STON1: variants seen among roughly 807,000 people sequenced by gnomAD.
The protein encoded by STON1 is stonin 1.
STON1 carries 79 observed loss-of-function variants against 60.9 expected under a neutral mutation model. The observed-to-expected ratio is 1.30, with a 90% CI of 1.08 to 1.56. STON1 has a LOEUF of 1.56. Among genes scored for constraint, STON1 ranks in the 40% most tolerant of loss-of-function variants. The pLI, the probability that STON1 is intolerant of heterozygous loss-of-function variation, is 0.00. For synonymous variants in STON1, 363 were observed against 306.9 expected, an observed-to-expected ratio of 1.18 and a Z score of -1.91; for missense variants, 1,166 against 858.9, an observed-to-expected ratio of 1.36 and a Z score of -4.47.
At chr2:48,576,293 G>GGC (rs1229037736) in intron 1 of STON1, among the ~76,000 whole-genome samples, 3 of 134,696 alleles carry the variant, frequency 2.2e-5, no homozygotes, top group Non-Finnish European at 4.6e-5. Flanking sequence ...GGGTTCAAGT[G>GGC]ATTCTCATGC....
chr2:48,595,244 A>G lies in STON1; in HGVS notation c.2150A>G (p.Lys717Arg), dbSNP rs781627107. ...CYNIQVEIEK[K>R]WIKIDGEDPD... is the part of the protein sequence containing the mutation. ...GCATAACAGGTTGAAATAGAAAAGAAGTGGATTAAAATCGATGGAGAAGAC... is the reference window on the plus strand; with the variant it reads ...GCATAACAGGTTGAAATAGAAAAGAGGTGGATTAAAATCGATGGAGAAGAC... Residue 717 changes from lysine to arginine, a missense_variant, in exon 4 of 4, where the codon AAG becomes AGG. Physicochemically the swap from Lys to Arg is conservative, Grantham distance 26. Transcript: ENST00000404752. The G allele has an allele frequency of 6.2e-7, 1 of 1,613,908 alleles. No individual in the cohort carries two copies. Among genetic ancestry groups the G allele is most frequent in the Admixed American group, 1.7e-5 (1 of 60,024 alleles).
At position 48,585,461 on chromosome 2, in the gene STON1, C is replaced by T. The variant is rs141036654; in HGVS notation, c.1930+2898C>T. Among the ~76,000 whole-genome samples, 702 of 152,072 alleles carry T rather than the reference C, an allele frequency of 4.6e-3. 8 individuals carry two copies. The highest frequency in any genetic ancestry group is 0.016 in the African/African-American group (659 of 41,462). On this transcript the variant is annotated intron_variant, in intron 2 of 3. Coordinates refer to ENST00000404752, the MANE Select transcript of STON1 (RefSeq NM_006873.4). Reference sequence around the variant, plus strand: ...ATGGGGTTTCACCATGTTGGCCAGGCTGGTCTCGAACTCCCAACCTCAGGT... The same window carrying T: ...ATGGGGTTTCACCATGTTGGCCAGGTTGGTCTCGAACTCCCAACCTCAGGT...
intron 1 of STON1, among the ~76,000 whole-genome samples, chr2:48,544,692 C>T (rs1671792079): frequency 6.6e-6 from 1 of 152,046 alleles, no homozygotes; most frequent in South Asian, 2.1e-4. Flanking sequence ...ATTACAGGCA[C>T]CCACCACCAT....
rs1572633514 is a variant in STON1, at chr2:48,581,966, C to T, written c.1333C>T (p.Leu445Phe). 11 of 1,614,114 alleles carry T rather than the reference C, an allele frequency of 6.8e-6. No homozygotes were observed. The East Asian group carries it at 2.2e-4, about 33-fold the overall frequency. Residue 445 changes from leucine (L) to phenylalanine (F), a missense_variant, in exon 2 of 4, where the codon CTC (leucine) becomes TTC (phenylalanine). Coordinates refer to ENST00000404752, the MANE Select transcript of STON1 (RefSeq NM_006873.4). ...TGCTGTGATAACTCAAATTTATTGC[C>T]TCTGCTTTGTGAATGGGAACCTGGA... ...ESAVITQIYC[L>F]CFVNGNLECF... is the part of the protein sequence containing the mutation.
chr2:48,553,431 T>C (rs1193568498), intron 1 of STON1, among the ~76,000 whole-genome samples: 1 of 148,142 alleles, frequency 6.8e-6, no homozygotes, highest in Admixed American at 6.7e-5. Flanking sequence ...TCCTCCTCCC[T>C]TTCTCTCTCT....
intron 1 of STON1, among the ~76,000 whole-genome samples, chr2:48,576,306 C>T (rs1213311926): frequency 6.8e-6 from 1 of 146,382 alleles, no homozygotes; most frequent in African/African-American, 2.5e-5. Context: ...TCTCATGCCT[C>T]AGCCTCCTGA....
intron 3 of STON1, among the ~76,000 whole-genome samples, 155 bp downstream of exon 3, chr2:48,592,010 T>C (rs752217912): frequency 2.0e-5 from 3 of 152,290 alleles, no homozygotes; most frequent in Admixed American, 6.5e-5. Flanking sequence ...ATGGCCACCA[T>C]TGAGCTTAGT....
At chr2:48,553,024 T>C (rs1672166088) in intron 1 of STON1, among the ~76,000 whole-genome samples, 1 of 152,176 alleles carries the variant, frequency 6.6e-6, no homozygotes, top group African/African-American at 2.4e-5. Flanking sequence ...GTGGCTTCTC[T>C]ATCCAGCAAA....
intron 1 of STON1, among the ~76,000 whole-genome samples, chr2:48,564,671 C>T (rs1672851493): frequency 7.1e-6 from 1 of 140,052 alleles, no homozygotes; most frequent in Non-Finnish European, 1.5e-5. Flanking sequence ...CTTATTTCTT[C>T]TTCTTCTTCT....
At chr2:48,575,513 C>T (rs1338334219) in intron 1 of STON1, among the ~76,000 whole-genome samples, 1 of 151,736 alleles carries the variant, frequency 6.6e-6, no homozygotes, top group East Asian at 2.0e-4. Flanking sequence ...ATTAGCCGGG[C>T]ATGGTGGTGC....
intron 1 of STON1, among the ~76,000 whole-genome samples, chr2:48,554,023 G>T (rs74801531): frequency 0.04 from 6,079 of 152,244 alleles, 131 homozygotes; most frequent in Non-Finnish European, 0.045. Context: ...GGAGAGATGG[G>T]TGTGGGGAGA....
At chr2:48,570,229 G>T (rs1034648597) in intron 1 of STON1, among the ~76,000 whole-genome samples, 1 of 152,150 alleles carries the variant, frequency 6.6e-6, no homozygotes, top group African/African-American at 2.4e-5. Context: ...CAGCTACTCG[G>T]GAGCCTGAGG....
intron 1 of STON1, among the ~76,000 whole-genome samples, chr2:48,559,721 C>G (rs959448005): frequency 2.6e-5 from 4 of 152,226 alleles, no homozygotes; most frequent in African/African-American, 9.6e-5. Context: ...CTTCTAAGCC[C>G]TTTTCCTACC....
intron 1 of STON1, among the ~76,000 whole-genome samples, chr2:48,539,607 T>C (rs1474725643): frequency 6.6e-6 from 1 of 152,012 alleles, no homozygotes; most frequent in Non-Finnish European, 1.5e-5. Flanking sequence ...GTTCAAGCGA[T>C]CTTCCTGCCT....
chr2:48,538,718 C>T (rs1671528739), intron 1 of STON1, among the ~76,000 whole-genome samples: 1 of 150,222 alleles, frequency 6.7e-6, no homozygotes, highest in Admixed American at 6.6e-5. Context: ...TTGCCTCAGC[C>T]TCCCGAGTTG....
intron 1 of STON1, among the ~76,000 whole-genome samples, chr2:48,575,079 A>G (rs952544304): frequency 6.6e-6 from 1 of 152,212 alleles, no homozygotes; most frequent in African/African-American, 2.4e-5. Context: ...GAGTTAGACT[A>G]CTTTACATAC....
chr2:48,554,287 T>C (rs1417262948), intron 1 of STON1, among the ~76,000 whole-genome samples: 1 of 152,184 alleles, frequency 6.6e-6, no homozygotes, highest in Admixed American at 6.5e-5. Context: ...AATGACACAA[T>C]CTCGGCTCAC....
At chr2:48,567,344 C>T (rs1672990099) in intron 1 of STON1, among the ~76,000 whole-genome samples, 1 of 152,202 alleles carries the variant, frequency 6.6e-6, no homozygotes, top group African/African-American at 2.4e-5. Flanking sequence ...TCTGATGATT[C>T]CTTTTTGTTC....
In STON1 at chr2:48,583,616, GT is replaced by G. The variant is rs35565944; in HGVS notation, c.1930+1067del. On this transcript the variant is annotated intron_variant, in intron 2 of 3. Transcript: ENST00000404752. ...TTCCTATTTTAGTTGAGGGTTGTTG[GT>G]TTTTTTTTTTTTTCCCCCCTAGCAG... is the stretch of plus-strand genomic sequence containing the variant. Among the ~76,000 whole-genome samples, 1,019 of 142,800 alleles carry G rather than the reference GT, an allele frequency of 7.1e-3. 7 individuals carry two copies. Among genetic ancestry groups the G allele is most frequent in the Middle Eastern group, 0.015 (4 of 268 alleles). 93.7% of individuals were successfully genotyped at this position (142,800 alleles called of 152,430 possible).
Sources: gnomAD v4.1 joint callset for allele counts (sites outside exome capture counted in the v4.1 genomes callset) on GRCh38, gnomAD v4.1.1 for gene constraint, MANE v1.5 for transcripts, NCBI Gene and HGNC (gene_info 2026-07-23, HGNC 2026-07-21) for gene names.